Variants in GRID2 observed in about 807,000 individuals in gnomAD.
The protein encoded by GRID2 is glutamate ionotropic receptor delta type subunit 2.
In GRID2, 33 loss-of-function variants were observed where a neutral mutation model predicts 114.8. That is an observed-to-expected ratio of 0.29 (90% confidence interval 0.22 to 0.38). GRID2 has a LOEUF of 0.38. Ranked by LOEUF, GRID2 falls within the 10% of genes least tolerant of loss-of-function variation. The probability of loss-of-function intolerance (pLI) is 1.00; values close to 1 mark genes in which losing one functional copy is unlikely to be tolerated. For synonymous variants in GRID2, 505 were observed against 449.9 expected, an observed-to-expected ratio of 1.12 and a Z score of -1.55; for missense variants, 1,184 against 1,257.7, an observed-to-expected ratio of 0.94 and a Z score of 0.89.
intron 2 of GRID2, among the ~76,000 whole-genome samples, chr4:92,808,692 C>T (rs1360908854): frequency 6.6e-6 from 1 of 151,898 alleles, no homozygotes; most frequent in Non-Finnish European, 1.5e-5. Context: ...GGTTCAATAT[C>T]ATTATACACA....
chr4:92,955,622 T>G (rs1339911074), intron 2 of GRID2, among the ~76,000 whole-genome samples: 24 of 152,262 alleles, frequency 1.6e-4, no homozygotes, highest in Admixed American at 1.1e-3. Flanking sequence ...TTAGTTTAAT[T>G]AGACCCCATT....
At chr4:93,734,169 C>A (rs1372188659) in intron 14 of GRID2, among the ~76,000 whole-genome samples, 1 of 152,078 alleles carries the variant, frequency 6.6e-6, no homozygotes, top group African/African-American at 2.4e-5. Flanking sequence ...TAGCTGAGAA[C>A]AATAGTTGGC....
At chr4:93,322,997 G>A (rs1465714945) in intron 8 of GRID2, among the ~76,000 whole-genome samples, 9 of 152,070 alleles carry the variant, frequency 5.9e-5, no homozygotes, top group African/African-American at 1.4e-4. Context: ...TCTGTAGGTT[G>A]CCTGTTCACT....
intron 2 of GRID2, among the ~76,000 whole-genome samples, chr4:92,623,191 C>T (rs1259631179): frequency 3.3e-5 from 5 of 151,318 alleles, no homozygotes; most frequent in South Asian, 4.2e-4. Context: ...AGTTTATGTA[C>T]ATCAAGGCAA....
chr4:93,044,615 T>C (rs1474282820), intron 2 of GRID2, among the ~76,000 whole-genome samples: 1 of 152,210 alleles, frequency 6.6e-6, no homozygotes, highest in Non-Finnish European at 1.5e-5. Context: ...TTTGTTATTG[T>C]TGCTTAAGCA....
intron 2 of GRID2, among the ~76,000 whole-genome samples, chr4:92,906,925 A>G (rs1748002438): frequency 6.6e-6 from 1 of 152,194 alleles, no homozygotes; most frequent in Non-Finnish European, 1.5e-5. Flanking sequence ...GCTTGTTAGG[A>G]GTGCAGAATA....
intron 8 of GRID2, among the ~76,000 whole-genome samples, chr4:93,320,918 T>C (rs1757140657): frequency 6.6e-6 from 1 of 151,980 alleles, no homozygotes; most frequent in South Asian, 2.1e-4. Flanking sequence ...GAGATATATA[T>C]TAATATATAA....
intron 2 of GRID2, among the ~76,000 whole-genome samples, chr4:92,704,701 A>ATCTCTCTC (rs778705188): frequency 0.098 from 11,034 of 113,110 alleles, 564 homozygotes; most frequent in Middle Eastern, 0.18. Flanking sequence ...CAATCAATCA[A>ATCTCTCTC]TCTCTCTCTC....
chr4:92,501,020 C>G (rs920790562), intron 1 of GRID2, among the ~76,000 whole-genome samples: 3 of 152,050 alleles, frequency 2.0e-5, no homozygotes, highest in Non-Finnish European at 4.4e-5. Flanking sequence ...TGCTATTTTT[C>G]TGAATACCAA....
At chr4:92,808,242 T>A (rs1292207666) in intron 2 of GRID2, among the ~76,000 whole-genome samples, 2 of 151,988 alleles carry the variant, frequency 1.3e-5, no homozygotes, top group Non-Finnish European at 1.5e-5. Flanking sequence ...TTTAACTCCA[T>A]AAGATCCATT....
chr4:93,589,143 T>C (rs930977021), intron 13 of GRID2, among the ~76,000 whole-genome samples: 2 of 151,944 alleles, frequency 1.3e-5, no homozygotes, highest in Non-Finnish European at 2.9e-5. Context: ...GCTGGTGTGC[T>C]GCACGCACTA....
intron 1 of GRID2, 123 bp downstream of exon 1, chr4:92,304,867 C>T (rs1725294087): frequency 2.8e-6 from 2 of 726,230 alleles, no homozygotes; most frequent in Non-Finnish European, 4.9e-6. Context: ...GTTCATTGCC[C>T]CTTCCCGCTA....
intron 2 of GRID2, among the ~76,000 whole-genome samples, chr4:92,788,070 A>C (rs1158406735): frequency 6.6e-6 from 1 of 151,804 alleles, no homozygotes; most frequent in East Asian, 1.9e-4. Context: ...ATAATTGTGG[A>C]TATATAGATG....
rs578002485 is a variant in GRID2 at position 92,304,551 on chromosome 4, GA to G, written c.-101del. ...CTGGCAATAGGAATTTAGAAAAAAA[GA>G]AAAAGCTGCGCTAAACTCCACCGTG... On this transcript the variant is annotated 5_prime_UTR_variant, in exon 1 of 16. Transcript: ENST00000282020. The G allele has an allele frequency of 1.7e-5, 13 of 752,134 alleles. No individual in the cohort carries two copies. The East Asian group carries it at 1.8e-4, about 10-fold the overall frequency. The allele number at this position is 752,134 out of a possible 1,614,324, so 46.6% of individuals were successfully genotyped here.
intron 2 of GRID2, among the ~76,000 whole-genome samples, chr4:92,766,662 A>G (rs1291337219): frequency 2.0e-5 from 3 of 152,192 alleles, no homozygotes; most frequent in African/African-American, 4.8e-5. Flanking sequence ...TACATAAAAG[A>G]ATAATGCATT....
At chr4:92,661,962 A>G (rs1732542105) in intron 2 of GRID2, among the ~76,000 whole-genome samples, 2 of 151,022 alleles carry the variant, frequency 1.3e-5, no homozygotes, top group South Asian at 4.1e-4. Flanking sequence ...TTTATATAGT[A>G]TCTATTTTCA....
intron 4 of GRID2, among the ~76,000 whole-genome samples, chr4:93,163,384 A>ATG (rs1312549298): frequency 2.5e-4 from 10 of 39,412 alleles, no homozygotes; most frequent in African/African-American, 1.4e-3. Context: ...ATATATATAT[A>ATG]TATATATATA....
chr4:92,485,305 T>C (rs1295924985), intron 1 of GRID2, among the ~76,000 whole-genome samples: 3 of 14,402 alleles, frequency 2.1e-4, no homozygotes, highest in Admixed American at 2.3e-3. Context: ...TGTGTGCATA[T>C]ATATATATAT....
At chr4:92,818,718 T>G (rs1323591652) in intron 2 of GRID2, among the ~76,000 whole-genome samples, 1 of 152,120 alleles carries the variant, frequency 6.6e-6, no homozygotes, top group Non-Finnish European at 1.5e-5. Flanking sequence ...AAGTGCTCTT[T>G]CATACTTCAT....
Sources: gnomAD v4.1 joint callset for allele counts (sites outside exome capture counted in the v4.1 genomes callset) on GRCh38, gnomAD v4.1.1 for gene constraint, MANE v1.5 for transcripts, NCBI Gene and HGNC (gene_info 2026-07-23, HGNC 2026-07-21) for gene names.